The following ASCC3 variants were observed in gnomAD, a reference collection of about 807,000 sequenced individuals.
ASCC3 encodes ASC-1 complex subunit P200.
In ASCC3, 158 loss-of-function variants were observed where a neutral mutation model predicts 256.3. That is an observed-to-expected ratio of 0.62 (90% CI 0.54 to 0.70). ASCC3 has a LOEUF of 0.70. Among genes scored for constraint, ASCC3 ranks in the 30% least tolerant of loss-of-function variants. ASCC3 has a pLI of 0.00. For synonymous variants in ASCC3, 948 were observed against 883.4 expected, an observed-to-expected ratio of 1.07 and a Z score of -1.30; for missense variants, 2,259 against 2,626.0, an observed-to-expected ratio of 0.86 and a Z score of 3.05.
intron 4 of ASCC3, 72 bp downstream of exon 4, chr6:100,848,076 C>A (rs1481049277): frequency 2.8e-6 from 4 of 1,403,826 alleles, no homozygotes; most frequent in Non-Finnish European, 3.8e-6. Flanking sequence ...TGCTAACCAC[C>A]CATGTTTAAA....
chr6:100,633,682 A>G (rs1014223140), intron 25 of ASCC3, among the ~76,000 whole-genome samples: 4 of 151,356 alleles, frequency 2.6e-5, no homozygotes, highest in African/African-American at 4.9e-5. Flanking sequence ...CCTGATCAAC[A>G]TGGAGAAACC....
At chr6:100,638,049 G>C (rs1349403491) in intron 25 of ASCC3, among the ~76,000 whole-genome samples, 1 of 152,002 alleles carries the variant, frequency 6.6e-6, no homozygotes, top group Non-Finnish European at 1.5e-5. Flanking sequence ...GCTATCAGGC[G>C]GCATCACATG....
intron 12 of ASCC3, among the ~76,000 whole-genome samples, chr6:100,716,235 T>C (rs1052747385): frequency 6.6e-6 from 1 of 151,884 alleles, no homozygotes; most frequent in African/African-American, 2.4e-5. Context: ...TGTATTCATA[T>C]AATTATGAAT....
rs34575315 is a variant in ASCC3 at position 100,535,466 on chromosome 6, G to GTTTT, written c.5775+4693_5775+4696dup. 1.7e-3 allele frequency among the ~76,000 whole-genome samples: 171 copies of GTTTT among 98,618 alleles called. 5 individuals are homozygous for GTTTT. Among genetic ancestry groups the GTTTT allele is most frequent in the African/African-American group, 2.5e-3 (66 of 26,030 alleles). 64.7% of individuals were successfully genotyped at this position (98,618 alleles called of 152,430 possible). On this transcript the variant is annotated intron_variant, in intron 37 of 41. Transcript: ENST00000369162. ...TTTAGAATATGAAGCTGGTTTTCGT[G>GTTTT]TTTTTTTTTTTTTTTTTTTTTGAGA...
chr6:100,845,734 T>C (rs2088692135), intron 4 of ASCC3, among the ~76,000 whole-genome samples: 1 of 152,154 alleles, frequency 6.6e-6, no homozygotes, highest in Non-Finnish European at 1.5e-5. Context: ...ATCATATGAA[T>C]ATACTTTTTA....
chr6:100,755,449 C>A (rs2115103016), intron 10 of ASCC3, among the ~76,000 whole-genome samples: 1 of 151,936 alleles, frequency 6.6e-6, no homozygotes, highest in Non-Finnish European at 1.5e-5. Context: ...TCACTGTAAC[C>A]CCAACCTCTA....
intron 13 of ASCC3, among the ~76,000 whole-genome samples, chr6:100,704,003 A>C (rs1206105456): frequency 1.3e-5 from 2 of 151,586 alleles, no homozygotes; most frequent in African/African-American, 4.8e-5. Flanking sequence ...AATACTTGTA[A>C]TATTAACTTA....
At chr6:100,608,319 A>ATATACTT (rs1773107523) in intron 30 of ASCC3, among the ~76,000 whole-genome samples, 1 of 99,484 alleles carries the variant, frequency 1.0e-5, no homozygotes, top group Non-Finnish European at 1.8e-5. Context: ...TATACCTTAT[A>ATATACTT]TATATACCTT....
chr6:100,721,781 T>C (rs1779347421), intron 11 of ASCC3, among the ~76,000 whole-genome samples: 1 of 124,646 alleles, frequency 8.0e-6, no homozygotes, highest in African/African-American at 2.8e-5. Flanking sequence ...TAGGTCCTAC[T>C]TGTCAAATTT....
At chr6:100,879,217 A>G (rs1001380565) in intron 1 of ASCC3, among the ~76,000 whole-genome samples, 8 of 152,172 alleles carry the variant, frequency 5.3e-5, no homozygotes, top group African/African-American at 1.9e-4. Flanking sequence ...TCCTGGGCAC[A>G]CCACCTCAAG....
In ASCC3 at chr6:100,748,596, A is replaced by G. The variant is rs1264452704; in HGVS notation, c.1737+17969T>C. ...AGTTGGAGTTCTGGGCCTGCCTCAG[A>G]CACAGTTGAATCACCTCAAAAAGCA... On this transcript the variant is annotated intron_variant, in intron 10 of 41. Transcript: ENST00000369162. 2.6e-5 allele frequency among the ~76,000 whole-genome samples: 4 copies of G among 152,164 alleles called. No individual in the cohort carries two copies. In the East Asian group the frequency reaches 7.7e-4, roughly 29 times the overall value.
intron 4 of ASCC3, among the ~76,000 whole-genome samples, chr6:100,814,381 T>C (rs771102221): frequency 2.0e-5 from 3 of 152,152 alleles, no homozygotes; most frequent in Non-Finnish European, 2.9e-5. Flanking sequence ...TTATCAAGGA[T>C]ATAGGCCTGA....
chr6:100,593,933 ATGTG>A (rs543567807), intron 34 of ASCC3, among the ~76,000 whole-genome samples: 15 of 152,094 alleles, frequency 9.9e-5, no homozygotes, highest in Non-Finnish European at 2.1e-4. Flanking sequence ...GCACAAGTTA[ATGTG>A]TGTGTGTATG....
intron 4 of ASCC3, among the ~76,000 whole-genome samples, chr6:100,818,568 C>CAA (rs529493065): frequency 0.013 from 1,339 of 103,132 alleles, 23 homozygotes; most frequent in Middle Eastern, 0.046. Context: ...GACTCCGTCT[C>CAA]AAAAAAAAAA....
intron 8 of ASCC3, among the ~76,000 whole-genome samples, chr6:100,781,469 C>T (rs554735769): frequency 9.1e-4 from 138 of 151,996 alleles, no homozygotes; most frequent in Non-Finnish European, 1.3e-3. Context: ...CTGCGCCCTC[C>T]GCCTCCCGGG....
At chr6:100,531,269 A>G (rs1034614068) in intron 37 of ASCC3, among the ~76,000 whole-genome samples, 2 of 152,186 alleles carry the variant, frequency 1.3e-5, no homozygotes, top group African/African-American at 4.8e-5. Flanking sequence ...CTAAACATTT[A>G]TAATTCCAAC....
chr6:100,826,343 G>C lies in ASCC3; in HGVS notation c.802-20463C>G, dbSNP rs1157919063. ...AGACGGGGTTTCACCATATTGGCCAGGCTGGTCTCAAACTCCTGACCTTGT... is the reference window on the plus strand; with the variant it reads ...AGACGGGGTTTCACCATATTGGCCACGCTGGTCTCAAACTCCTGACCTTGT... On this transcript the variant is annotated intron_variant, in intron 4 of 41. Transcript: ENST00000369162. Among the ~76,000 whole-genome samples, 8 of 152,056 alleles carry C rather than the reference G, an allele frequency of 5.3e-5. No individual in the cohort carries two copies. In the East Asian group the frequency reaches 1.4e-3, roughly 26 times the overall value.
intron 13 of ASCC3, among the ~76,000 whole-genome samples, chr6:100,688,267 T>TC (rs1456784189): frequency 1.1e-5 from 1 of 91,934 alleles, no homozygotes; most frequent in African/African-American, 4.2e-5. Flanking sequence ...GTGGAGTTAT[T>TC]AAAAAAAAAA....
At chr6:100,539,475 T>C (rs1401197122) in intron 37 of ASCC3, among the ~76,000 whole-genome samples, 1 of 152,224 alleles carries the variant, frequency 6.6e-6, no homozygotes, top group East Asian at 1.9e-4. Context: ...AGATTAAAGA[T>C]ACTTGCAAAA....
Sources: gnomAD v4.1 joint callset for allele counts (sites outside exome capture counted in the v4.1 genomes callset) on GRCh38, gnomAD v4.1.1 for gene constraint, MANE v1.5 for transcripts, NCBI Gene and HGNC (gene_info 2026-07-23, HGNC 2026-07-21) for gene names.